Variants in XG observed in about 807,000 individuals in gnomAD.
XG encodes Xg glycoprotein (Xg blood group).
XG carries 24 observed loss-of-function variants against 25.7 expected under a neutral mutation model. The observed-to-expected ratio is 0.93, with a 90% CI of 0.68 to 1.31. XG has a LOEUF of 1.31. Among genes scored for constraint, XG ranks in the 40% most tolerant of loss-of-function variants. The probability of loss-of-function intolerance (pLI) is 0.00; values close to 1 mark genes in which losing one functional copy is unlikely to be tolerated. For synonymous variants in XG, 77 were observed against 69.2 expected (o/e 1.11, Z -0.56); for missense variants, 181 against 187.6 (o/e 0.96, Z 0.21).
intron 7 of XG, among the ~76,000 whole-genome samples, chrX:2,804,526 G>A (rs1329545325): frequency 9.0e-5 from 10 of 111,410 alleles, no homozygotes; most frequent in Admixed American, 8.6e-4. Flanking sequence ...ACCTTGGAGC[G>A]TGTTATATAA....
intron 9 of XG, among the ~76,000 whole-genome samples, chrX:2,810,950 AAT>A (rs1491047075): frequency 1.7e-4 from 17 of 102,014 alleles, no homozygotes; most frequent in Admixed American, 1.5e-3. Context: ...TAAATAAATA[AAT>A]AAAATTAATT....
rs187197002 is a variant in XG, at chrX:2,766,518, C to T, written c.62-4032C>T. On this transcript the variant is annotated intron_variant, in intron 1 of 10. Coordinates refer to ENST00000644266, the MANE Select transcript of XG (RefSeq NM_001141919.2). ...TTCTCTGGGATGGGGGGTCTTAGGACGCCCAAACAAGGCAGGTCAGGGAAT... is the reference window on the plus strand; with the variant it reads ...TTCTCTGGGATGGGGGGTCTTAGGATGCCCAAACAAGGCAGGTCAGGGAAT... 6.1e-5 allele frequency among the ~76,000 whole-genome samples: 9 copies of T among 146,810 alleles called. No homozygotes were observed. In the South Asian group the frequency reaches 8.8e-4, roughly 14 times the overall value.
intron 6 of XG, among the ~76,000 whole-genome samples, chrX:2,797,105 G>A (rs2086892823): frequency 9.0e-6 from 1 of 111,398 alleles, no homozygotes; most frequent in South Asian, 3.8e-4. Context: ...CTCAGTGTTG[G>A]CATGAGTTTT....
intron 10 of XG, among the ~76,000 whole-genome samples, chrX:2,813,778 G>C (rs757708404): frequency 8.9e-6 from 1 of 112,100 alleles, no homozygotes; most frequent in South Asian, 3.7e-4. Context: ...GACCAACAAG[G>C]CCATATTCGA....
rs182015621 is a variant in XG at position 2,795,147 on chromosome X, T to A, written c.322+544T>A. Among the ~76,000 whole-genome samples, 564 of 108,983 alleles carry A rather than the reference T, an allele frequency of 5.2e-3. 4 individuals carry two copies. Among genetic ancestry groups the A allele is most frequent in the African/African-American group, 0.018 (540 of 30,289 alleles). The allele number at this position is 108,983 out of a possible 115,157, so 94.6% of individuals were successfully genotyped here. ...TATGTATATCCTGACTTTATATATA[T>A]CCTTATATATATCTTTACATAGGTA... On this transcript the variant is annotated intron_variant, in intron 6 of 10. Coordinates refer to ENST00000644266, the MANE Select transcript of XG (RefSeq NM_001141919.2).
chrX:2,795,697 C>T (rs1330573903), intron 6 of XG, among the ~76,000 whole-genome samples: 2 of 110,110 alleles, frequency 1.8e-5, no homozygotes, highest in Non-Finnish European at 3.8e-5. Flanking sequence ...CTCGCTCTGT[C>T]GCCCAGGCTG....
intron 4 of XG, 24 bp from the exon 5 acceptor site, chrX:2,789,620 A>T (rs764182119): frequency 1.8e-6 from 2 of 1,104,023 alleles, no homozygotes; most frequent in Non-Finnish European, 2.4e-6. Flanking sequence ...ATTTTTCTGA[A>T]ATCATACTGT....
In XG at chrX:2,768,499, G is replaced by A. The variant is rs748114840; in HGVS notation, c.62-2051G>A. ...AGCGCTGGAGGAGGCCAGGTGCGGT[G>A]GCTCACGCCTGTAATCCCAGCACTT... On this transcript the variant is annotated intron_variant, in intron 1 of 10. Transcript: ENST00000644266. 4.6e-5 allele frequency among the ~76,000 whole-genome samples: 7 copies of A among 152,318 alleles called. No individual in the cohort carries two copies. The East Asian group carries it at 1.4e-3, about 29-fold the overall frequency.
chrX:2,779,877 C>T (rs1261287450), intron 3 of XG, among the ~76,000 whole-genome samples: 2 of 152,046 alleles, frequency 1.3e-5, no homozygotes, highest in African/African-American at 4.8e-5. Context: ...GAACTCCTGA[C>T]CTCACATAAT....
At chrX:2,759,866 A>C (rs1437934305) in intron 1 of XG, among the ~76,000 whole-genome samples, 1 of 152,224 alleles carries the variant, frequency 6.6e-6, no homozygotes, top group Admixed American at 6.5e-5. Flanking sequence ...GAGGCACCTA[A>C]ACCTGTGAGC....
chrX:2,806,955 A>G (rs2087003213), intron 8 of XG, among the ~76,000 whole-genome samples: 1 of 111,299 alleles, frequency 9.0e-6, no homozygotes, highest in Non-Finnish European at 1.9e-5. Flanking sequence ...CAAAGGAACT[A>G]TGGCCCACTT....
intron 1 of XG, among the ~76,000 whole-genome samples, chrX:2,764,572 C>A (rs2050633312): frequency 6.6e-6 from 1 of 151,908 alleles, no homozygotes; most frequent in African/African-American, 2.4e-5. Flanking sequence ...TTCTCGGGGT[C>A]CCTGTGCCAG....
chrX:2,798,424 G>A (rs1415267370), intron 7 of XG, among the ~76,000 whole-genome samples: 2 of 100,284 alleles, frequency 2.0e-5, no homozygotes, highest in Non-Finnish European at 2.0e-5. Flanking sequence ...AGGCTGGAGT[G>A]CAGTGGTGTG....
rs1313674418 is a variant in XG, at chrX:2,752,259, C to A, written c.-16C>A. On this transcript the variant is annotated 5_prime_UTR_variant, in exon 1 of 11. Transcript: ENST00000644266. ...GCTGGGGAGTCCACTGAGGTTCTTGCATCCTGAAGCAAACCATGGAGAGCT... is the reference window on the plus strand; with the variant it reads ...GCTGGGGAGTCCACTGAGGTTCTTGAATCCTGAAGCAAACCATGGAGAGCT... 1.9e-6 allele frequency: 3 copies of A among 1,613,632 alleles called. No individual in the cohort carries two copies.
chrX:2,801,821 G>A (rs773468307), intron 7 of XG, among the ~76,000 whole-genome samples: 2 of 111,080 alleles, frequency 1.8e-5, no homozygotes, highest in South Asian at 7.5e-4. Flanking sequence ...CCATTCTCCT[G>A]CCTCAGCCTC....
At chrX:2,761,551 C>T (rs1466497912) in intron 1 of XG, among the ~76,000 whole-genome samples, 5 of 151,534 alleles carry the variant, frequency 3.3e-5, no homozygotes, top group African/African-American at 1.2e-4. Context: ...ATGGTGTCTA[C>T]AAGCCCAGGA....
chrX:2,809,490 G>A (rs1353534194), intron 9 of XG, among the ~76,000 whole-genome samples: 1 of 112,326 alleles, frequency 8.9e-6, no homozygotes, highest in African/African-American at 3.2e-5. Context: ...CAGCTTGGAT[G>A]ACCACTTGGT....
chrX:2,788,446 G>T (rs5982860), intron 4 of XG, among the ~76,000 whole-genome samples: 14,575 of 111,640 alleles, frequency 0.13, 1,200 homozygotes, highest in African/African-American at 0.31. Context: ...CAGGAGGGAC[G>T]AGCTAATTAA....
At chrX:2,774,797 G>A (rs1456718622) in intron 3 of XG, 58 bp downstream of exon 3, 1 of 1,604,248 alleles carries the variant, frequency 6.2e-7, no homozygotes, top group East Asian at 2.2e-5. Flanking sequence ...GATGCTTACG[G>A]AGGGGATGGT....
Sources: gnomAD v4.1 joint callset for allele counts (sites outside exome capture counted in the v4.1 genomes callset) on GRCh38, gnomAD v4.1.1 for gene constraint, MANE v1.5 for transcripts, NCBI Gene and HGNC (gene_info 2026-07-23, HGNC 2026-07-21) for gene names.